SCFD1: variants seen among roughly 807,000 people sequenced by gnomAD.
SCFD1 encodes sec1 family domain containing 1.
In SCFD1, 37 loss-of-function variants were observed where a neutral mutation model predicts 103.2. The ratio of observed to expected loss-of-function variants is 0.36; its 90% CI spans 0.28 to 0.47. SCFD1 has a LOEUF of 0.47. Among genes scored for constraint, SCFD1 ranks in the 20% least tolerant of loss-of-function variants. The pLI is 1.00. For missense variants in SCFD1, 639 were observed against 761.2 expected (o/e 0.84, Z 1.89); for synonymous variants, 264 against 245.0 (o/e 1.08, Z -0.73).
chr14:30,683,093 C>T (rs1340225926), intron 14 of SCFD1: 1 of 1,337,792 alleles, frequency 7.5e-7, no homozygotes, highest in South Asian at 1.2e-5. Flanking sequence ...CTTGCAGATA[C>T]TTCTTAAAAG....
chr14:30,637,250 C>T lies in SCFD1; in HGVS notation c.313-875C>T, dbSNP rs530089994. Among the ~76,000 whole-genome samples, 13 of 152,196 alleles carry T rather than the reference C, an allele frequency of 8.5e-5. No homozygotes were observed. In the South Asian group the frequency reaches 2.3e-3, roughly 27 times the overall value. On this transcript the variant is annotated intron_variant, in intron 4 of 24. Transcript: ENST00000458591. The stretch of plus-strand genomic sequence containing the variant: ...CAGATAACCTCCAAAACTGTTTCAG[C>T]TCAGCAACACAGGATTCACTCTAGC...
At chr14:30,668,953 G>T (rs568498588) in intron 10 of SCFD1, among the ~76,000 whole-genome samples, 22 of 152,250 alleles carry the variant, frequency 1.4e-4, no homozygotes, top group African/African-American at 5.1e-4. Flanking sequence ...ACTGTTGGTG[G>T]GAGTGTAGAC....
intron 23 of SCFD1, among the ~76,000 whole-genome samples, chr14:30,730,009 T>A (rs893248355): frequency 6.6e-6 from 1 of 152,210 alleles, no homozygotes; most frequent in Non-Finnish European, 1.5e-5. Flanking sequence ...CTCTCCCCGC[T>A]TCCCTTACCC....
Position 30,653,737 on chromosome 14 carries a change from A to G in SCFD1, c.855+149A>G, listed in dbSNP as rs539229326. On this transcript the variant is annotated intron_variant, in intron 10 of 24. Coordinates refer to ENST00000458591, the MANE Select transcript of SCFD1 (RefSeq NM_016106.4). Reference sequence around the variant, plus strand: ...AAAACAAGTGATGGGATTTGGTATTACTGGGTGTGGATGCTGGAAAATGTG... The same window carrying G: ...AAAACAAGTGATGGGATTTGGTATTGCTGGGTGTGGATGCTGGAAAATGTG... 43 of 527,896 alleles carry G rather than the reference A, an allele frequency of 8.1e-5. No homozygotes were observed. In the East Asian group the frequency reaches 1.3e-3, roughly 16 times the overall value. The allele number at this position is 527,896 out of a possible 1,614,324, so 32.7% of individuals were successfully genotyped here. A position where few individuals can be genotyped will look rare whatever the true frequency, so the allele number is the denominator to read the frequency against.
In SCFD1 at chr14:30,643,337, C is replaced by G; in HGVS notation, c.545C>G (p.Thr182Arg). ...TTAGCCATTAACAGGCCAGATATCACAGACACGGAAATGGAAACTGTTATG... is the reference window on the plus strand; with the variant it reads ...TTAGCCATTAACAGGCCAGATATCAGAGACACGGAAATGGAAACTGTTATG... ...SYRAINRPDI[T>R]DTEMETVMDT... Residue 182 changes from threonine (T) to arginine (R), a missense_variant, in exon 7 of 25, where the codon ACA becomes AGA. Thr to Arg is a moderately conservative substitution (Grantham distance 71). Transcript: ENST00000458591. 1 of 1,613,002 alleles carries G rather than the reference C, an allele frequency of 6.2e-7. No individual in the cohort carries two copies.
intron 9 of SCFD1, among the ~76,000 whole-genome samples, chr14:30,651,736 C>T (rs906962628): frequency 1.3e-5 from 2 of 152,086 alleles, no homozygotes; most frequent in Non-Finnish European, 2.9e-5. Flanking sequence ...TGTTTCTCAA[C>T]TTGTTGGATC....
Position 30,673,360 on chromosome 14 carries a change from T to G in SCFD1, c.1086+13T>G. On this transcript the variant is annotated intron_variant, in intron 12 of 24. Coordinates refer to ENST00000458591, the MANE Select transcript of SCFD1 (RefSeq NM_016106.4). ...TAAAAGCATTATGGTAAGATTCTAT[T>G]TGCTTTCTAAGAATTATAGGAAAGA... is the stretch of plus-strand genomic sequence containing the variant. The G allele has an allele frequency of 7.2e-7, 1 of 1,390,584 alleles. No homozygotes were observed. Among genetic ancestry groups the G allele is most frequent in the South Asian group, 1.2e-5 (1 of 80,706 alleles). 86.1% of individuals were successfully genotyped at this position (1,390,584 alleles called of 1,614,324 possible).
At chr14:30,633,859 G>C (rs1418693960) in intron 3 of SCFD1, 88 bp from the exon 4 acceptor site, 5 of 666,508 alleles carry the variant, frequency 7.5e-6, no homozygotes, top group South Asian at 4.3e-5. Flanking sequence ...ACTGGTTACT[G>C]TCCTTGAGCT....
intron 14 of SCFD1, among the ~76,000 whole-genome samples, chr14:30,690,845 C>A (rs979631096): frequency 6.6e-6 from 1 of 152,212 alleles, no homozygotes; most frequent in African/African-American, 2.4e-5. Flanking sequence ...CCCACTTATT[C>A]TTAATATTTA....
At chr14:30,714,243 A>G (rs1421535330) in intron 19 of SCFD1, among the ~76,000 whole-genome samples, 2 of 151,362 alleles carry the variant, frequency 1.3e-5, no homozygotes, top group African/African-American at 4.9e-5. Flanking sequence ...AGTCCCAGCT[A>G]CTCGGGAGGC....
At chr14:30,641,783 G>A (rs1321200859) in intron 6 of SCFD1, among the ~76,000 whole-genome samples, 3 of 151,936 alleles carry the variant, frequency 2.0e-5, no homozygotes, top group Non-Finnish European at 4.4e-5. Flanking sequence ...GTAGATACTT[G>A]GAGATATCCA....
At chr14:30,698,613 G>T (rs1014443642) in intron 15 of SCFD1, among the ~76,000 whole-genome samples, 6 of 152,128 alleles carry the variant, frequency 3.9e-5, no homozygotes, top group Non-Finnish European at 5.9e-5. Flanking sequence ...GTCCCAAGCG[G>T]GTAGGACAAG....
At chr14:30,626,333 T>A (rs1018067766) in intron 1 of SCFD1, among the ~76,000 whole-genome samples, 3 of 152,046 alleles carry the variant, frequency 2.0e-5, no homozygotes, top group Non-Finnish European at 4.4e-5. Context: ...CTGATAGCAA[T>A]AACTTAAGCG....
At chr14:30,699,182 C>G (rs1890904927) in intron 15 of SCFD1, among the ~76,000 whole-genome samples, 2 of 152,282 alleles carry the variant, frequency 1.3e-5, no homozygotes, top group Non-Finnish European at 2.9e-5. Flanking sequence ...CTTTAGAGAA[C>G]TTACCATTAT....
At chr14:30,670,861 G>C (rs1888473820) in intron 11 of SCFD1, among the ~76,000 whole-genome samples, 1 of 151,944 alleles carries the variant, frequency 6.6e-6, no homozygotes, top group African/African-American at 2.4e-5. Context: ...TGATAAAACT[G>C]CATTAATTTG....
chr14:30,643,971 G>A (rs938083817), intron 7 of SCFD1: 4 of 456,426 alleles, frequency 8.8e-6, no homozygotes, highest in African/African-American at 4.0e-5. Flanking sequence ...CAGGCCATGG[G>A]CATGGTACCT....
intron 21 of SCFD1, 23 bp from the exon 22 acceptor site, chr14:30,721,861 A>G (rs1302799649): frequency 1.9e-6 from 3 of 1,599,992 alleles, no homozygotes; most frequent in Non-Finnish European, 2.6e-6. Context: ...TGAAATTTTC[A>G]TTACGGTTTT....
At chr14:30,647,414 T>C (rs565546464) in intron 7 of SCFD1, among the ~76,000 whole-genome samples, 1 of 152,034 alleles carries the variant, frequency 6.6e-6, no homozygotes, top group Non-Finnish European at 1.5e-5. Flanking sequence ...ATTCTTCAGC[T>C]CAGTAATTTT....
At chr14:30,707,915 G>A (rs1019605388) in intron 18 of SCFD1, 75 bp from the exon 19 acceptor site, 4 of 984,420 alleles carry the variant, frequency 4.1e-6, no homozygotes, top group Non-Finnish European at 6.6e-6. Flanking sequence ...GTGTAATCAG[G>A]TAAATATTTT....
Sources: gnomAD v4.1 joint callset for allele counts (sites outside exome capture counted in the v4.1 genomes callset) on GRCh38, gnomAD v4.1.1 for gene constraint, MANE v1.5 for transcripts, NCBI Gene and HGNC (gene_info 2026-07-23, HGNC 2026-07-21) for gene names.